ADAMTS17: variants seen among roughly 807,000 people sequenced by gnomAD.
The protein encoded by ADAMTS17 is ADAM metallopeptidase with thrombospondin type 1 motif 17, also known as A disintegrin and metalloproteinase with thrombospondin motifs 17.
ADAMTS17 carries 113 observed loss-of-function variants against 141.5 expected under a neutral mutation model. That is an observed-to-expected ratio of 0.80 (90% CI 0.69 to 0.93). The LOEUF is 0.93. Ranked by LOEUF, ADAMTS17 falls within the 40% of genes least tolerant of loss-of-function variation. The probability of loss-of-function intolerance (pLI) is 0.00; values close to 1 mark genes in which losing one functional copy is unlikely to be tolerated. For missense variants in ADAMTS17, 1,659 were observed against 1,517.9 expected (o/e 1.09, Z -1.54); for synonymous variants, 768 against 630.6 (o/e 1.22, Z -3.27).
intron 4 of ADAMTS17, among the ~76,000 whole-genome samples, chr15:100,264,130 C>G (rs1425979041): frequency 6.6e-6 from 1 of 152,206 alleles, no homozygotes; most frequent in Non-Finnish European, 1.5e-5. Context: ...TTGTTCTGTT[C>G]TCACTTCTGC....
chr15:100,251,341 T>C (rs2043147749), intron 7 of ADAMTS17, among the ~76,000 whole-genome samples: 1 of 152,178 alleles, frequency 6.6e-6, no homozygotes, highest in Non-Finnish European at 1.5e-5. Flanking sequence ...AAATGAGCGG[T>C]GCTATGGATT....
chr15:99,986,382 G>A (rs968048960), intron 20 of ADAMTS17, among the ~76,000 whole-genome samples: 1 of 152,212 alleles, frequency 6.6e-6, no homozygotes, highest in Non-Finnish European at 1.5e-5. Context: ...CTTGACCTCA[G>A]ACTGATTCTC....
At chr15:100,275,280 G>C (rs1449039729) in intron 4 of ADAMTS17, among the ~76,000 whole-genome samples, 1 of 152,216 alleles carries the variant, frequency 6.6e-6, no homozygotes, top group East Asian at 1.9e-4. Flanking sequence ...TGGCCACACA[G>C]GCTGGAGGGC....
chr15:100,040,995 T>C (rs1025092703), intron 18 of ADAMTS17, among the ~76,000 whole-genome samples: 1 of 152,246 alleles, frequency 6.6e-6, no homozygotes, highest in Non-Finnish European at 1.5e-5. Flanking sequence ...AACCATATCT[T>C]TTCAGATTGT....
At chr15:100,081,235 T>G (rs2034713574) in intron 15 of ADAMTS17, among the ~76,000 whole-genome samples, 2 of 152,176 alleles carry the variant, frequency 1.3e-5, no homozygotes, top group South Asian at 2.1e-4. Context: ...CCCTGGAACA[T>G]CAGACCCCAA....
intron 10 of ADAMTS17, among the ~76,000 whole-genome samples, chr15:100,152,103 G>A (rs1297003918): frequency 1.3e-5 from 2 of 152,192 alleles, no homozygotes; most frequent in Non-Finnish European, 2.9e-5. Flanking sequence ...TGCTCAACAA[G>A]CGGTAACTGT....
Position 100,044,593 on chromosome 15 carries a change from G to T in ADAMTS17, c.2591+4264C>A, listed in dbSNP as rs184814994. ...AGCTTTTCTTACGTTTCTGAGCATA[G>T]TTACAATAGCTGCTTTAACATTCTT... On this transcript the variant is annotated intron_variant, in intron 18 of 21. Coordinates refer to ENST00000268070, the MANE Select transcript of ADAMTS17 (RefSeq NM_139057.4). Among the ~76,000 whole-genome samples the T allele has an allele frequency of 2.5e-3, 376 of 152,236 alleles. 2 individuals carry two copies. The highest frequency in any genetic ancestry group is 4.0e-3 in the Non-Finnish European group (273 of 68,016).
At chr15:100,117,039 T>C in intron 12 of ADAMTS17, 26 bp from the exon 13 acceptor site, 1 of 1,584,670 alleles carries the variant, frequency 6.3e-7, no homozygotes, top group African/African-American at 1.3e-5. Flanking sequence ...AGGTCTGTGT[T>C]AACCAGGTGG....
At position 100,199,413 on chromosome 15, in the gene ADAMTS17, G is replaced by A. The variant is rs779292313; in HGVS notation, c.1086C>T (p.Tyr362=). The A allele has an allele frequency of 1.2e-6, 2 of 1,613,984 alleles. No homozygotes were observed. The highest frequency in any genetic ancestry group is 2.2e-5 in the East Asian group (1 of 44,890). ...DEPCDTVGIA[Y]LGGVCSAKRK... is the part of the protein sequence containing the mutation. ...TCTTAGCACTGCACACACCTCCTAA[G>A]TAAGCAATTCCTGCAGCAGAGACAC... Residue 362 remains tyrosine, a synonymous_variant, in exon 8 of 22, where the codon TAC becomes TAT. Coordinates refer to ENST00000268070, the MANE Select transcript of ADAMTS17 (RefSeq NM_139057.4).
chr15:100,304,455 T>G (rs2045153113), intron 3 of ADAMTS17, among the ~76,000 whole-genome samples: 1 of 152,186 alleles, frequency 6.6e-6, no homozygotes, highest in Non-Finnish European at 1.5e-5. Flanking sequence ...ACAGTAAGCC[T>G]TTTATCCTGA....
intron 8 of ADAMTS17, among the ~76,000 whole-genome samples, chr15:100,195,135 G>A (rs1361733917): frequency 2.0e-5 from 3 of 152,236 alleles, no homozygotes; most frequent in Non-Finnish European, 2.9e-5. Context: ...GGGCACGGGT[G>A]TACATTTAGG....
intron 18 of ADAMTS17, 128 bp downstream of exon 18, chr15:100,048,729 T>A: frequency 7.1e-7 from 1 of 1,417,110 alleles, no homozygotes; most frequent in Non-Finnish European, 9.7e-7. Context: ...AGCGGAAATC[T>A]CTCATCAACA....
chr15:100,164,505 C>T (rs974871108), intron 8 of ADAMTS17, among the ~76,000 whole-genome samples: 1 of 152,194 alleles, frequency 6.6e-6, no homozygotes, highest in Non-Finnish European at 1.5e-5. Flanking sequence ...GGGTCAGGGT[C>T]ACATGCGAAA....
intron 10 of ADAMTS17, 60 bp downstream of exon 10, chr15:100,152,552 C>A: frequency 1.2e-6 from 2 of 1,604,434 alleles, no homozygotes; most frequent in Non-Finnish European, 1.7e-6. Context: ...GAAGCCAGAC[C>A]TGCTGTGGGA....
intron 15 of ADAMTS17, among the ~76,000 whole-genome samples, chr15:100,058,850 T>C (rs563360353): frequency 1.3e-5 from 2 of 152,186 alleles, no homozygotes; most frequent in East Asian, 3.9e-4. Context: ...AATTGTGGGA[T>C]AGGAAAGCGA....
intron 18 of ADAMTS17, among the ~76,000 whole-genome samples, chr15:100,045,405 T>G (rs2418487): frequency 0.27 from 41,279 of 152,038 alleles, 5,934 homozygotes; most frequent in East Asian, 0.49. Flanking sequence ...AGAGTTTCAT[T>G]TTAGAAGAAT....
intron 18 of ADAMTS17, among the ~76,000 whole-genome samples, chr15:100,036,268 A>G (rs2030702228): frequency 1.3e-5 from 2 of 152,234 alleles, no homozygotes; most frequent in Non-Finnish European, 2.9e-5. Context: ...AGGGCAACGG[A>G]CCACACTGGG....
In ADAMTS17 at chr15:100,182,039, G is replaced by A. The variant is rs765139495; in HGVS notation, c.1181+17279C>T. 2.6e-5 allele frequency among the ~76,000 whole-genome samples: 4 copies of A among 152,206 alleles called. No individual in the cohort carries two copies. The South Asian group carries it at 6.2e-4, about 24-fold the overall frequency. On this transcript the variant is annotated intron_variant, in intron 8 of 21. Transcript: ENST00000268070. ...CCTCTTCTAGCTAGGACATCCATGG[G>A]TGTCAGCTGAGCTCAGCCCGGTTTT...
chr15:100,146,344 T>C (rs1336633311), intron 10 of ADAMTS17, among the ~76,000 whole-genome samples: 2 of 152,224 alleles, frequency 1.3e-5, no homozygotes, highest in Non-Finnish European at 2.9e-5. Flanking sequence ...CCCAAATTAA[T>C]ACTTTTATAA....
Sources: gnomAD v4.1 joint callset for allele counts (sites outside exome capture counted in the v4.1 genomes callset) on GRCh38, gnomAD v4.1.1 for gene constraint, MANE v1.5 for transcripts, NCBI Gene and HGNC (gene_info 2026-07-23, HGNC 2026-07-21) for gene names.